The following UBR4 variants were observed in gnomAD, a reference collection of about 807,000 sequenced individuals.
The protein encoded by UBR4 is ubiquitin protein ligase E3 component n-recognin 4.
In UBR4, 124 loss-of-function variants were observed where a neutral mutation model predicts 575.6. That is an observed-to-expected ratio of 0.22 (90% CI 0.19 to 0.25). The LOEUF is 0.25. Among genes scored for constraint, UBR4 ranks in the 10% least tolerant of loss-of-function variants. UBR4 has a pLI of 1.00. For synonymous variants in UBR4, 2,455 were observed against 2,473.7 expected, an observed-to-expected ratio of 0.99 and a Z score of 0.22; for missense variants, 4,818 against 6,478.8, an observed-to-expected ratio of 0.74 and a Z score of 8.80.
At chr1:19,163,679 A>G (rs1557858146) in intron 34 of UBR4, 85 bp downstream of exon 34, 1 of 1,429,694 alleles carries the variant, frequency 7.0e-7, no homozygotes, top group Non-Finnish European at 9.9e-7. Flanking sequence ...ACAGAACTCA[A>G]TAGGAACGAG....
chr1:19,101,456 A>G (rs2078629090), intron 88 of UBR4, 64 bp downstream of exon 88: 1 of 1,540,816 alleles, frequency 6.5e-7, no homozygotes, highest in East Asian at 2.3e-5. Context: ...AATCACCAAG[A>G]GGCTTCATGG....
chr1:19,088,825 G>A lies in UBR4; in HGVS notation c.14364C>T (p.Thr4788=). The change falls in exon 98 of 106, where the codon ACC becomes ACT. Residue 4788 remains threonine (T), a synonymous_variant. Coordinates refer to ENST00000375254, the MANE Select transcript of UBR4 (RefSeq NM_020765.3). The surrounding 1 kb of genome is among the most constrained non-coding windows in gnomAD (Gnocchi z 4.0). Reference sequence around the variant, plus strand: ...TGGCCATGCGCTTCTTCTCTGCCCGGGTCTCCCTGCGGGCTGCGTCAATCT... The same window carrying A: ...TGGCCATGCGCTTCTTCTCTGCCCGAGTCTCCCTGCGGGCTGCGTCAATCT... ...NKKIDAARRE[T]RAEKKRMAMA... 1 of 1,614,032 alleles carries A rather than the reference G, an allele frequency of 6.2e-7. No homozygotes were observed. Among genetic ancestry groups the A allele is most frequent in the Non-Finnish European group, 8.5e-7 (1 of 1,179,964 alleles).
rs376676604 is a variant in UBR4, at chr1:19,174,764, C to T, written c.2853+190G>A. 3.1e-4 allele frequency among the ~76,000 whole-genome samples: 47 copies of T among 152,308 alleles called. No homozygotes were observed. In the East Asian group the frequency reaches 7.9e-3, roughly 26 times the overall value. ...GAGGTGCCAATCCAGAAAGGACAAA[C>T]CCCACAGCAAAAGTGCACCCAACAA... On this transcript the variant is annotated intron_variant, in intron 21 of 105. Coordinates refer to ENST00000375254, the MANE Select transcript of UBR4 (RefSeq NM_020765.3).
At chr1:19,143,562 G>A (rs2084404137) in intron 55 of UBR4, among the ~76,000 whole-genome samples, 1 of 152,110 alleles carries the variant, frequency 6.6e-6, no homozygotes, top group African/African-American at 2.4e-5. Context: ...TGCCCCTTTG[G>A]CAACAAAATG....
At chr1:19,176,313 C>T (rs972189462) in intron 20 of UBR4, among the ~76,000 whole-genome samples, 10 of 151,730 alleles carry the variant, frequency 6.6e-5, no homozygotes, top group African/African-American at 2.4e-5. Context: ...AGGCTGGTCT[C>T]GAACTCCTGA....
chr1:19,114,678 A>G (rs2274004), intron 75 of UBR4, 133 bp downstream of exon 75: 257,301 of 1,167,724 alleles, frequency 0.22, 29,990 homozygotes, highest in East Asian at 0.23. Flanking sequence ...TCCCACCCAA[A>G]AGCTGGGCCC....
chr1:19,207,232 C>T (rs998540780), intron 1 of UBR4, among the ~76,000 whole-genome samples: 4 of 152,234 alleles, frequency 2.6e-5, no homozygotes, highest in Non-Finnish European at 4.4e-5. Flanking sequence ...CAACAAGGCC[C>T]ACCTCAGCAT....
At chr1:19,186,834 G>A (rs374381216) in intron 13 of UBR4, among the ~76,000 whole-genome samples, 177 bp from the exon 14 acceptor site, 2 of 151,944 alleles carry the variant, frequency 1.3e-5, no homozygotes, top group South Asian at 4.1e-4. Flanking sequence ...AACCAGAGAC[G>A]TGGACAAGAA....
At chr1:19,078,521 A>G (rs1351016380) in intron 103 of UBR4, 1 of 166,406 alleles carries the variant, frequency 6.0e-6, no homozygotes, top group Non-Finnish European at 1.3e-5. Flanking sequence ...AAATTTCTTA[A>G]AAGCCAGCAG....
At position 19,185,194 on chromosome 1, in the gene UBR4, G is replaced by C. The variant is rs201644243; in HGVS notation, c.1843C>G (p.Pro615Ala). 6.2e-7 allele frequency: 1 copy of C among 1,614,146 alleles called. No individual in the cohort carries two copies. Among genetic ancestry groups the C allele is most frequent in the Non-Finnish European group, 8.5e-7 (1 of 1,180,018 alleles). Residue 615 changes from proline (P) to alanine (A), a missense_variant, in exon 15 of 106, where the codon CCT becomes GCT. Around this residue, in one of 29 missense-constraint regions of UBR4, gnomAD observed 1,172 missense variants for 1,259.7 expected, o/e 0.93. Coordinates refer to ENST00000375254, the MANE Select transcript of UBR4 (RefSeq NM_020765.3). ...KAAPPPPPPP[P>A]PLESSPRVKS... ...ACCCGAGGAGAGCTTTCCAGTGGAG[G>C]AGGTGGGGGAGGAGGCGGAGGTGCT...
chr1:19,110,692 C>T lies in UBR4; in HGVS notation c.11892+50G>A. 6.3e-7 allele frequency: 1 copy of T among 1,584,518 alleles called. No individual in the cohort carries two copies. Among genetic ancestry groups the T allele is most frequent in the Non-Finnish European group, 8.7e-7 (1 of 1,153,814 alleles). On this transcript the variant is annotated intron_variant, in intron 79 of 105. Coordinates refer to ENST00000375254, the MANE Select transcript of UBR4 (RefSeq NM_020765.3). This position sits in a 1 kb window ranked among gnomAD's most constrained non-coding sequence, Gnocchi z 4.5. ...GGAGGGGAAGCTGAGAAACACAAGGCATGTGAGGGGAAGTCAGAGAGGACA... is the reference window on the plus strand; with the variant it reads ...GGAGGGGAAGCTGAGAAACACAAGGTATGTGAGGGGAAGTCAGAGAGGACA...
intron 49 of UBR4, chr1:19,149,911 AAAGG>A: frequency 1.3e-6 from 1 of 763,346 alleles, no homozygotes; most frequent in South Asian, 1.8e-5. Flanking sequence ...AAAGAAAGAG[AAAGG>A]AAGGGAGGGA....
intron 103 of UBR4, chr1:19,080,056 C>T (rs2076333989): frequency 1.3e-5 from 2 of 152,220 alleles, no homozygotes. Flanking sequence ...TCAGATTGCA[C>T]ACCCGCCATG....
At chr1:19,090,931 C>G (rs2077444554) in intron 97 of UBR4, among the ~76,000 whole-genome samples, 1 of 151,932 alleles carries the variant, frequency 6.6e-6, no homozygotes, top group Non-Finnish European at 1.5e-5. Flanking sequence ...CCCGAGTCTA[C>G]TAAAAATACA....
At chr1:19,163,668 C>A in intron 34 of UBR4, 96 bp downstream of exon 34, 2 of 1,315,468 alleles carry the variant, frequency 1.5e-6, no homozygotes, top group Non-Finnish European at 2.2e-6. Flanking sequence ...GCTAGCCAGG[C>A]ACAGAACTCA....
At chr1:19,081,091 G>A (rs1314956129) in intron 103 of UBR4, 14 of 413,138 alleles carry the variant, frequency 3.4e-5, no homozygotes, top group Non-Finnish European at 4.8e-5. Context: ...GTGCCTGGCT[G>A]CCTTCCTAAC....
At position 19,145,888 on chromosome 1, in the gene UBR4, TCTC is replaced by T; in HGVS notation, c.7847_7849del (p.Gly2616del). 5.0e-6 allele frequency: 8 copies of T among 1,614,146 alleles called. No homozygotes were observed. Among genetic ancestry groups the T allele is most frequent in the Non-Finnish European group, 6.8e-6 (8 of 1,180,022 alleles). ...AAGCTGGGTGATGAAACTACAGCAATCTCCTTCCAACTGCTTCTGCGGTTCCTT... is the reference window on the plus strand; with the variant it reads ...AAGCTGGGTGATGAAACTACAGCAATCTTCCAACTGCTTCTGCGGTTCCTT... On this transcript the variant is annotated inframe_deletion, in exon 53 of 106. Transcript: ENST00000375254.
At chr1:19,174,167 T>C (rs2089968478) in intron 22 of UBR4, 152 bp downstream of exon 22, 10 of 1,062,744 alleles carry the variant, frequency 9.4e-6, no homozygotes, top group Non-Finnish European at 1.3e-5. Context: ...AAGGTGAACA[T>C]AGCTACACAA....
chr1:19,189,569 T>C (rs149151227), intron 11 of UBR4, among the ~76,000 whole-genome samples: 1 of 152,304 alleles, frequency 6.6e-6, no homozygotes, highest in East Asian at 1.9e-4. Context: ...TTATATATAT[T>C]TTATATGTGC....
Sources: allele counts gnomAD v4.1 joint callset (sites outside exome capture counted in the v4.1 genomes callset), GRCh38; gene constraint gnomAD v4.1.1; regional missense constraint gnomAD v4.1.1; non-coding constraint Gnocchi (gnomAD v3.1); transcripts MANE v1.5; gene names NCBI Gene and HGNC (gene_info 2026-07-23, HGNC 2026-07-21).